The following FBXL17 variants were observed in gnomAD, a reference collection of about 807,000 sequenced individuals.
FBXL17 encodes F-box and leucine rich repeat protein 17.
In FBXL17, 22 loss-of-function variants were observed where a neutral mutation model predicts 66.2. That is an observed-to-expected ratio of 0.33 (90% CI 0.24 to 0.47). FBXL17 has a LOEUF of 0.47. Ranked by LOEUF, FBXL17 falls within the 20% of genes least tolerant of loss-of-function variation. FBXL17 has a pLI of 1.00. For missense variants in FBXL17, 878 were observed against 948.2 expected (o/e 0.93, Z 0.97); for synonymous variants, 474 against 400.5 (o/e 1.18, Z -2.19).
intron 4 of FBXL17, among the ~76,000 whole-genome samples, chr5:108,250,291 A>T (rs535583435): frequency 1.3e-5 from 2 of 152,276 alleles, no homozygotes; most frequent in East Asian, 1.9e-4. Flanking sequence ...ACAGTTATTA[A>T]CAACTTCAGA....
chr5:108,168,746 C>A (rs1053531669), intron 6 of FBXL17, among the ~76,000 whole-genome samples: 1 of 151,856 alleles, frequency 6.6e-6, no homozygotes, highest in Non-Finnish European at 1.5e-5. Flanking sequence ...CCCATGCATA[C>A]CCCCAAGAAA....
chr5:108,176,299 A>C (rs1348368217), intron 6 of FBXL17, among the ~76,000 whole-genome samples: 1 of 152,176 alleles, frequency 6.6e-6, no homozygotes, highest in Non-Finnish European at 1.5e-5. Flanking sequence ...ACTGCAAGCT[A>C]AATGCGTACC....
At chr5:107,962,438 T>C (rs952483988) in intron 7 of FBXL17, among the ~76,000 whole-genome samples, 4 of 152,158 alleles carry the variant, frequency 2.6e-5, no homozygotes, top group Non-Finnish European at 5.9e-5. Context: ...ACACAACACA[T>C]GTATTGTATA....
At chr5:108,159,301 A>C (rs1022077498) in intron 6 of FBXL17, among the ~76,000 whole-genome samples, 1 of 152,216 alleles carries the variant, frequency 6.6e-6, no homozygotes, top group African/African-American at 2.4e-5. Flanking sequence ...CAATTTAGGA[A>C]GACAACCTTT....
intron 7 of FBXL17, among the ~76,000 whole-genome samples, chr5:107,982,528 T>C (rs185972556): frequency 6.6e-6 from 1 of 152,326 alleles, no homozygotes; most frequent in East Asian, 1.9e-4. Flanking sequence ...AACTTTCCGC[T>C]ACTGAGAACC....
At chr5:107,965,830 T>C (rs1752107970) in intron 7 of FBXL17, among the ~76,000 whole-genome samples, 1 of 152,160 alleles carries the variant, frequency 6.6e-6, no homozygotes, top group African/African-American at 2.4e-5. Flanking sequence ...GAAAAATATG[T>C]TCCCAATACA....
chr5:108,083,742 G>A (rs925526225), intron 6 of FBXL17, among the ~76,000 whole-genome samples: 1 of 151,870 alleles, frequency 6.6e-6, no homozygotes, highest in African/African-American at 2.4e-5. Flanking sequence ...AACTATAGAT[G>A]GCTTAAAGCA....
In FBXL17 at chr5:108,316,648, T is replaced by C. The variant is rs145490452; in HGVS notation, c.1506+31751A>G. Among the ~76,000 whole-genome samples, 541 of 151,554 alleles carry C rather than the reference T, an allele frequency of 3.6e-3. 7 individuals are homozygous for C. Among genetic ancestry groups the C allele is most frequent in the African/African-American group, 0.012 (516 of 41,486 alleles). On this transcript the variant is annotated intron_variant, in intron 4 of 8. Coordinates refer to ENST00000542267, the MANE Select transcript of FBXL17 (RefSeq NM_001163315.3). Reference sequence around the variant, plus strand: ...TTTTAACGATGTCTATTCATTATTATACTAACTAGATTCAATATAGTTTTA... The same window carrying C: ...TTTTAACGATGTCTATTCATTATTACACTAACTAGATTCAATATAGTTTTA...
At chr5:107,934,613 C>T (rs1018199001) in intron 7 of FBXL17, among the ~76,000 whole-genome samples, 2 of 152,078 alleles carry the variant, frequency 1.3e-5, no homozygotes, top group Admixed American at 1.3e-4. Flanking sequence ...TTCTCGTTCT[C>T]TCACTAGGCA....
chr5:107,951,022 C>T (rs1751482844), intron 7 of FBXL17, among the ~76,000 whole-genome samples: 1 of 152,132 alleles, frequency 6.6e-6, no homozygotes, highest in Admixed American at 6.5e-5. Context: ...CCACTAATGT[C>T]CTAATAAATG....
At position 108,240,394 on chromosome 5, in the gene FBXL17, TTGAA is replaced by T. The variant is rs568670816; in HGVS notation, c.1507-16170_1507-16167del. On this transcript the variant is annotated intron_variant, in intron 4 of 8. Transcript: ENST00000542267. ...AAGCTGACTAAAGAGCCTTTGGTCCTTGAATGAATATCATTGGTAGCCAGGCAGT... is the reference window on the plus strand; with the variant it reads ...AAGCTGACTAAAGAGCCTTTGGTCCTTGAATATCATTGGTAGCCAGGCAGT... Among the ~76,000 whole-genome samples, 1,184 of 152,234 alleles carry T rather than the reference TTGAA, an allele frequency of 7.8e-3. 11 individuals carry two copies. The highest frequency in any genetic ancestry group is 0.011 in the Non-Finnish European group (767 of 68,008).
intron 4 of FBXL17, among the ~76,000 whole-genome samples, chr5:108,264,663 C>T (rs1756973931): frequency 6.6e-6 from 1 of 151,918 alleles, no homozygotes; most frequent in Admixed American, 6.6e-5. Context: ...ATCTAGAAAC[C>T]TTTCTAAATA....
In FBXL17 at chr5:108,364,975, T is replaced by C; in HGVS notation, c.1137A>G (p.Glu379=). Residue 379 remains glutamate, a synonymous_variant, in exon 3 of 9, where the codon GAA becomes GAG. Coordinates refer to ENST00000542267, the MANE Select transcript of FBXL17 (RefSeq NM_001163315.3). The part of the protein sequence containing the change: ...SRQQVTDELL[E]KIASRSQNII... ...TATTCTGACTTCTTGATGCAATTTTTTCCAACAATTCATCAGTGACCTGTA... is the reference window on the plus strand; with the variant it reads ...TATTCTGACTTCTTGATGCAATTTTCTCCAACAATTCATCAGTGACCTGTA... 1.2e-6 allele frequency: 2 copies of C among 1,609,912 alleles called. No individual in the cohort carries two copies. Among genetic ancestry groups the C allele is most frequent in the Non-Finnish European group, 1.7e-6 (2 of 1,176,998 alleles).
intron 5 of FBXL17, among the ~76,000 whole-genome samples, chr5:108,218,330 C>T (rs1168818973): frequency 6.6e-6 from 1 of 151,976 alleles, no homozygotes; most frequent in East Asian, 1.9e-4. Flanking sequence ...ATCCATTTAT[C>T]CTTTAATGGA....
chr5:108,144,738 T>G (rs1012465191), intron 6 of FBXL17, among the ~76,000 whole-genome samples: 1 of 152,160 alleles, frequency 6.6e-6, no homozygotes, highest in African/African-American at 2.4e-5. Flanking sequence ...ACACATATAA[T>G]CTACTGAAAT....
Position 107,943,040 on chromosome 5 carries a change from CT to C in FBXL17, c.1823-61862del, listed in dbSNP as rs1751166137. Reference sequence around the variant, plus strand: ...CCTCCTTTGTGGAATGCTCCTTGCCCTGCCTCTCTGGGTATTTGCTTGCTCT... The same window carrying C: ...CCTCCTTTGTGGAATGCTCCTTGCCCGCCTCTCTGGGTATTTGCTTGCTCT... On this transcript the variant is annotated intron_variant, in intron 7 of 8. Transcript: ENST00000542267. 3.3e-5 allele frequency among the ~76,000 whole-genome samples: 5 copies of C among 152,274 alleles called. No homozygotes were observed. The South Asian group carries it at 1.0e-3, about 32-fold the overall frequency.
At chr5:108,378,617 G>T (rs971753130) in intron 1 of FBXL17, among the ~76,000 whole-genome samples, 1 of 152,018 alleles carries the variant, frequency 6.6e-6, no homozygotes, top group Non-Finnish European at 1.5e-5. Flanking sequence ...CCACCACATG[G>T]CTCTACCGTG....
chr5:108,286,101 T>C (rs1317996242), intron 4 of FBXL17, among the ~76,000 whole-genome samples: 2 of 151,784 alleles, frequency 1.3e-5, no homozygotes, highest in Non-Finnish European at 2.9e-5. Context: ...TCCCTTCATG[T>C]TAAAAACCCT....
intron 6 of FBXL17, among the ~76,000 whole-genome samples, chr5:108,126,631 G>GTCTCTCTGTCTCTCTCTCTCTC (rs1554067313): frequency 8.9e-6 from 1 of 112,580 alleles, no homozygotes; most frequent in Non-Finnish European, 1.9e-5. Flanking sequence ...CTGTCTCTCT[G>GTCTCTCTGTCTCTCTCTCTCTC]TCTCTCTCTC....
Sources: gnomAD v4.1 joint callset for allele counts (sites outside exome capture counted in the v4.1 genomes callset) on GRCh38, gnomAD v4.1.1 for gene constraint, MANE v1.5 for transcripts, NCBI Gene and HGNC (gene_info 2026-07-23, HGNC 2026-07-21) for gene names.